The following SIK3 variants were observed in gnomAD, a reference collection of about 807,000 sequenced individuals.
SIK3 encodes SIK family kinase 3.
SIK3 carries 28 observed loss-of-function variants against 144.2 expected under a neutral mutation model. The ratio of observed to expected loss-of-function variants is 0.19; its 90% confidence interval spans 0.14 to 0.27. The LOEUF is 0.27. Ranked by LOEUF, SIK3 falls within the 10% of genes least tolerant of loss-of-function variation. SIK3 has a pLI of 1.00. For synonymous variants in SIK3, 686 were observed against 676.3 expected, an observed-to-expected ratio of 1.01 and a Z score of -0.22; for missense variants, 1,319 against 1,776.0, an observed-to-expected ratio of 0.74 and a Z score of 4.62.
intron 1 of SIK3, among the ~76,000 whole-genome samples, chr11:117,075,710 T>TC (rs1954486438): frequency 6.7e-6 from 1 of 149,596 alleles, no homozygotes; most frequent in South Asian, 2.1e-4. Flanking sequence ...CCTGGCTAAT[T>TC]TTTTTTTTAT....
At position 117,049,956 on chromosome 11, in the gene SIK3, T is replaced by A. The variant is rs576222990; in HGVS notation, c.273+48187A>T. On this transcript the variant is annotated intron_variant, in intron 1 of 24. Coordinates refer to ENST00000445177, the MANE Select transcript of SIK3 (RefSeq NM_001366686.3). ...GCCTGGGCGTCTGAGCGAAAACCTG[T>A]CTCTTAAAAAAAAAATAGGATCTTA... Among the ~76,000 whole-genome samples, 14 of 46,494 alleles carry A rather than the reference T, an allele frequency of 3.0e-4. 1 individual carries two copies. Among genetic ancestry groups the A allele is most frequent in the South Asian group, 2.7e-3 (7 of 2,602 alleles). 30.5% of individuals were successfully genotyped at this position (46,494 alleles called of 152,430 possible).
intron 1 of SIK3, among the ~76,000 whole-genome samples, chr11:117,049,122 A>G (rs997513924): frequency 1.3e-5 from 2 of 152,072 alleles, no homozygotes; most frequent in East Asian, 3.9e-4. Flanking sequence ...TTTTTAAAAA[A>G]ATACTTCATG....
At chr11:116,906,706 A>G (rs998712583) in intron 4 of SIK3, among the ~76,000 whole-genome samples, 5 of 152,232 alleles carry the variant, frequency 3.3e-5, no homozygotes, top group African/African-American at 1.2e-4. Context: ...AAATGATGAC[A>G]TAATTATTCT....
chr11:117,027,451 T>A (rs953144223), intron 1 of SIK3, among the ~76,000 whole-genome samples: 5 of 147,526 alleles, frequency 3.4e-5, no homozygotes, highest in African/African-American at 1.2e-4. Context: ...TTTTTATATC[T>A]GTTTGTTTGT....
rs549010405 is a variant in SIK3 at position 117,068,433 on chromosome 11, G to A, written c.273+29710C>T. On this transcript the variant is annotated intron_variant, in intron 1 of 24. Transcript: ENST00000445177. ...TTTCAATGTTGTTTAAAGATGATCCGAACATCCACTGGCCTAATAAAAAAT... is the reference window on the plus strand; with the variant it reads ...TTTCAATGTTGTTTAAAGATGATCCAAACATCCACTGGCCTAATAAAAAAT... Among the ~76,000 whole-genome samples the A allele has an allele frequency of 4.6e-5, 7 of 152,252 alleles. No individual in the cohort carries two copies. In the East Asian group the frequency reaches 7.7e-4, roughly 17 times the overall value.
At position 116,846,646 on chromosome 11, in the gene SIK3, C is replaced by A; in HGVS notation, c.3953-93G>T. On this transcript the variant is annotated intron_variant, in intron 23 of 24. Transcript: ENST00000445177. The surrounding 1 kb of genome is among the most constrained non-coding windows in gnomAD (Gnocchi z 4.1). ...AGAGGAGGAATTGAAGGCAACCTGT[C>A]GAGCATCCCACAGCCTGACTCCCAG... 3 of 1,437,776 alleles carry A rather than the reference C, an allele frequency of 2.1e-6. No individual in the cohort carries two copies. The highest frequency in any genetic ancestry group is 2.9e-6 in the Non-Finnish European group (3 of 1,042,836). The allele number at this position is 1,437,776 out of a possible 1,614,324, so 89.1% of individuals were successfully genotyped here. A position where few individuals can be genotyped will look rare whatever the true frequency, so the allele number is the denominator to read the frequency against.
intron 1 of SIK3, among the ~76,000 whole-genome samples, chr11:116,974,805 G>A (rs931503544): frequency 9.2e-5 from 14 of 152,160 alleles, no homozygotes; most frequent in African/African-American, 2.2e-4. Flanking sequence ...GTGTGGTGCT[G>A]GGAAATCGGT....
At chr11:116,968,352 C>T (rs1202225354) in intron 1 of SIK3, among the ~76,000 whole-genome samples, 2 of 152,150 alleles carry the variant, frequency 1.3e-5, no homozygotes, top group Non-Finnish European at 2.9e-5. Context: ...CCATGCTGGC[C>T]AGGCTGGTCT....
intron 1 of SIK3, among the ~76,000 whole-genome samples, chr11:117,009,133 G>A (rs1424265626): frequency 6.6e-6 from 1 of 151,818 alleles, no homozygotes; most frequent in Non-Finnish European, 1.5e-5. Flanking sequence ...TACTTGGGGG[G>A]CTGAGGCAGG....
At chr11:117,022,442 G>A (rs1301516196) in intron 1 of SIK3, among the ~76,000 whole-genome samples, 2 of 152,092 alleles carry the variant, frequency 1.3e-5, no homozygotes, top group African/African-American at 4.8e-5. Flanking sequence ...AAGCCTAACT[G>A]AAAAAACATA....
chr11:116,929,033 T>A (rs1455772095), intron 3 of SIK3, among the ~76,000 whole-genome samples: 1 of 152,222 alleles, frequency 6.6e-6, no homozygotes, highest in African/African-American at 2.4e-5. Context: ...CACTCGGGTG[T>A]GTTTAGGCTT....
intron 4 of SIK3, among the ~76,000 whole-genome samples, chr11:116,924,252 T>C (rs999519262): frequency 1.3e-5 from 2 of 150,132 alleles, no homozygotes; most frequent in Non-Finnish European, 3.0e-5. Flanking sequence ...GCGGAGATCA[T>C]GCCACTGCAC....
intron 4 of SIK3, among the ~76,000 whole-genome samples, chr11:116,906,797 C>T (rs1478139255): frequency 6.6e-6 from 1 of 152,168 alleles, no homozygotes; most frequent in Non-Finnish European, 1.5e-5. Flanking sequence ...AAATGGACTA[C>T]AAATATAATC....
At chr11:117,064,869 C>T (rs1481837574) in intron 1 of SIK3, among the ~76,000 whole-genome samples, 2 of 151,892 alleles carry the variant, frequency 1.3e-5, no homozygotes, top group South Asian at 2.1e-4. Flanking sequence ...GTAACTTTGT[C>T]GGCCAGGCGG....
chr11:116,934,122 A>G (rs1047215646), intron 3 of SIK3, among the ~76,000 whole-genome samples: 5 of 152,318 alleles, frequency 3.3e-5, no homozygotes, highest in African/African-American at 1.2e-4. Flanking sequence ...TTTCTAACAA[A>G]TGACACATTC....
At chr11:116,866,200 A>C (rs1410929984) in intron 15 of SIK3, among the ~76,000 whole-genome samples, 1 of 152,172 alleles carries the variant, frequency 6.6e-6, no homozygotes, top group Non-Finnish European at 1.5e-5. Context: ...CCTCATAAGA[A>C]GACCTCCTGA....
At chr11:117,059,498 T>C (rs939774950) in intron 1 of SIK3, among the ~76,000 whole-genome samples, 6 of 152,210 alleles carry the variant, frequency 3.9e-5, no homozygotes, top group Non-Finnish European at 8.8e-5. Context: ...AGAAGCTTTC[T>C]TAACTTGATG....
At chr11:116,919,222 T>A (rs564801520) in intron 4 of SIK3, among the ~76,000 whole-genome samples, 9 of 152,338 alleles carry the variant, frequency 5.9e-5, no homozygotes, top group African/African-American at 2.2e-4. Flanking sequence ...ACCTTTCTTT[T>A]CTATATGATG....
intron 1 of SIK3, among the ~76,000 whole-genome samples, chr11:117,039,785 C>T (rs986187575): frequency 1.3e-5 from 2 of 152,148 alleles, no homozygotes; most frequent in Non-Finnish European, 2.9e-5. Flanking sequence ...GAAGTAGTTA[C>T]TATTATTTTA....
Sources: allele counts gnomAD v4.1 joint callset (sites outside exome capture counted in the v4.1 genomes callset), GRCh38; gene constraint gnomAD v4.1.1; non-coding constraint Gnocchi (gnomAD v3.1); transcripts MANE v1.5; gene names NCBI Gene and HGNC (gene_info 2026-07-23, HGNC 2026-07-21).